CDKL5: variants seen among roughly 807,000 people sequenced by gnomAD.
CDKL5 encodes the protein cyclin-dependent kinase-like 5.
A neutral mutation model predicts 61.7 loss-of-function variants in CDKL5; 8 were observed. That is an observed-to-expected ratio of 0.13 (90% CI 0.08 to 0.23). The LOEUF (loss-of-function observed/expected upper bound fraction) is 0.23. Ranked by LOEUF, CDKL5 falls within the 10% of genes least tolerant of loss-of-function variation. CDKL5 has a pLI of 1.00. For synonymous variants in CDKL5, 275 were observed against 272.3 expected (o/e 1.01, Z -0.10); for missense variants, 440 against 734.5 (o/e 0.60, Z 4.63).
chrX:18,631,403 C>T lies in CDKL5; in HGVS notation c.*2646C>T. ...AACTACAATCTGCATTTCCAGCATGCAATTCTCTTCCTGCTCACGGAGGGG... is the reference window on the plus strand; with the variant it reads ...AACTACAATCTGCATTTCCAGCATGTAATTCTCTTCCTGCTCACGGAGGGG... On this transcript the variant is annotated 3_prime_UTR_variant, in exon 18 of 18. Coordinates refer to ENST00000623535, the MANE Select transcript of CDKL5 (RefSeq NM_001323289.2). 2 of 754,383 alleles carry T rather than the reference C, an allele frequency of 2.7e-6. No homozygotes were observed. The highest frequency in any genetic ancestry group is 3.1e-6 in the Non-Finnish European group (2 of 639,251). 62.2% of individuals were successfully genotyped at this position (754,383 alleles called of 1,213,427 possible).
At chrX:18,653,611 C>T in exon 22 of CDKL5, 1 of 1,138,579 alleles carries the variant, frequency 8.8e-7, no homozygotes, top group African/African-American at 1.8e-5. Context: ...CCAATTAACA[C>T]CAATGAATCA....
chrX:18,518,837 C>T (rs1422529895), intron 3 of CDKL5, among the ~76,000 whole-genome samples: 1 of 109,274 alleles, frequency 9.2e-6, no homozygotes, highest in Non-Finnish European at 1.9e-5. Flanking sequence ...TTGAAGCCTG[C>T]CTTAGGAAAA....
intron 11 of CDKL5, among the ~76,000 whole-genome samples, chrX:18,600,674 G>A (rs868401342): frequency 8.1e-5 from 9 of 111,654 alleles, no homozygotes; most frequent in Non-Finnish European, 1.5e-4. Context: ...GGCTCTCCTC[G>A]GGAACCTCTT....
At chrX:18,444,861 T>G (rs1366720841) in intron 1 of CDKL5, among the ~76,000 whole-genome samples, 2 of 111,668 alleles carry the variant, frequency 1.8e-5, no homozygotes, top group Non-Finnish European at 3.8e-5. Context: ...GTGTGCAGTA[T>G]TTGACAATTT....
At position 18,440,134 on chromosome X, in the gene CDKL5, A is replaced by C. The variant is rs773293493; in HGVS notation, c.-163+14439A>C. Among the ~76,000 whole-genome samples the C allele has an allele frequency of 2.7e-5, 3 of 111,194 alleles. No homozygotes were observed. In the East Asian group the frequency reaches 8.5e-4, roughly 31 times the overall value. On this transcript the variant is annotated intron_variant, in intron 1 of 17. Transcript: ENST00000623535. ...GCCATATCTGTTGACTGTTCCTTTC[A>C]TTGTAGGTTCTTCTGTAGCATACGA...
At chrX:18,602,610 C>T (rs757099629) in intron 11 of CDKL5, among the ~76,000 whole-genome samples, 10 of 111,232 alleles carry the variant, frequency 9.0e-5, no homozygotes, top group African/African-American at 3.3e-4. Context: ...CACAGGCTTG[C>T]TCGATATCAG....
At chrX:18,548,637 GAA>G (rs1291301437) in intron 3 of CDKL5, among the ~76,000 whole-genome samples, 1 of 112,443 alleles carries the variant, frequency 8.9e-6, no homozygotes, top group Non-Finnish European at 1.9e-5. Context: ...ACATCTATCA[GAA>G]AGTGTGGTCA....
intron 20 of CDKL5, chrX:18,646,172 G>A: frequency 8.4e-7 from 1 of 1,186,155 alleles, no homozygotes; most frequent in Admixed American, 2.3e-5. Flanking sequence ...TCCTTTCTGA[G>A]ACAGAGTCTT....
Position 18,437,243 on chromosome X carries a change from A to T in CDKL5, c.-163+11548A>T, listed in dbSNP as rs932626090. Among the ~76,000 whole-genome samples, 5 of 110,925 alleles carry T rather than the reference A, an allele frequency of 4.5e-5. No individual in the cohort carries two copies. In the Admixed American group the frequency reaches 4.9e-4, roughly 11 times the overall value. ...TTCTTGATTGATTGTCGTCTGCGGT[A>T]CTCCTTTCATTGTTTTTGTAGAAAT... On this transcript the variant is annotated intron_variant, in intron 1 of 17. Coordinates refer to ENST00000623535, the MANE Select transcript of CDKL5 (RefSeq NM_001323289.2).
chrX:18,620,465 C>T (rs1174184865), intron 16 of CDKL5, among the ~76,000 whole-genome samples: 1 of 111,603 alleles, frequency 9.0e-6, no homozygotes, highest in African/African-American at 3.3e-5. Context: ...TTAGGGCTTG[C>T]GTTAGAAGGA....
chrX:18,482,402 AT>A (rs1181344426), intron 1 of CDKL5, among the ~76,000 whole-genome samples: 1 of 112,086 alleles, frequency 8.9e-6, no homozygotes, highest in Non-Finnish European at 1.9e-5. Context: ...GTTCTTTAGA[AT>A]TTAGACACTA....
chrX:18,500,746 C>G (rs1922351327), intron 1 of CDKL5, among the ~76,000 whole-genome samples: 1 of 111,614 alleles, frequency 9.0e-6, no homozygotes, highest in Non-Finnish European at 1.9e-5. Context: ...GCAGCTAAAT[C>G]CAATATGGCA....
chrX:18,583,320 C>T (rs1042455337), intron 7 of CDKL5, among the ~76,000 whole-genome samples: 1 of 111,272 alleles, frequency 9.0e-6, no homozygotes, highest in Non-Finnish European at 1.9e-5. Flanking sequence ...CTAGCAAGGA[C>T]TTCCTAATTG....
intron 4 of CDKL5, among the ~76,000 whole-genome samples, chrX:18,567,588 A>G (rs186694795): frequency 8.9e-6 from 1 of 111,899 alleles, no homozygotes; most frequent in East Asian, 2.8e-4. Context: ...ATTGTTACGT[A>G]CAAAATGCTT....
intron 3 of CDKL5, among the ~76,000 whole-genome samples, chrX:18,551,393 G>A (rs1924378074): frequency 9.2e-6 from 1 of 108,494 alleles, no homozygotes; most frequent in South Asian, 4.0e-4. Flanking sequence ...TTACAATGGA[G>A]CATATTACAA....
intron 1 of CDKL5, among the ~76,000 whole-genome samples, chrX:18,445,047 A>ACT (rs761777500): frequency 3.7e-5 from 4 of 106,686 alleles, no homozygotes; most frequent in Non-Finnish European, 7.7e-5. Context: ...TGTAGAACAG[A>ACT]CTTGGGGTTT....
chrX:18,425,851 C>G (rs1024667000), intron 1 of CDKL5, among the ~76,000 whole-genome samples, 156 bp downstream of exon 1: 2 of 112,914 alleles, frequency 1.8e-5, no homozygotes. Flanking sequence ...CGGGGCGACG[C>G]GGTGAGGACG....
intron 2 of CDKL5, among the ~76,000 whole-genome samples, chrX:18,509,197 G>GCACGCGCTCGCGCGCACACACACACACA (rs1204561636): frequency 1.6e-5 from 1 of 64,314 alleles, no homozygotes; most frequent in Admixed American, 2.5e-4. Context: ...CTCAAAACAC[G>GCACGCGCTCGCGCGCACACACACACACA]CACACACACA....
intron 1 of CDKL5, among the ~76,000 whole-genome samples, chrX:18,433,228 C>CAA (rs769632892): frequency 5.7e-5 from 5 of 87,606 alleles, no homozygotes; most frequent in East Asian, 3.7e-4. Flanking sequence ...AACCCTGTCT[C>CAA]AAAAAAAAAA....
Sources: allele counts gnomAD v4.1 joint callset (sites outside exome capture counted in the v4.1 genomes callset), GRCh38; gene constraint gnomAD v4.1.1; transcripts MANE v1.5; gene names NCBI Gene and HGNC (gene_info 2026-07-23, HGNC 2026-07-21).